IGSF21: variants seen among roughly 807,000 people sequenced by gnomAD.
IGSF21 encodes immunoglobin superfamily member 21.
In IGSF21, 28 loss-of-function variants were observed where a neutral mutation model predicts 46.8. The ratio of observed to expected loss-of-function variants is 0.60; its 90% CI spans 0.44 to 0.82. The LOEUF (loss-of-function observed/expected upper bound fraction) is 0.82, where lower values mean the gene tolerates loss of function less well. IGSF21 is among the 40% of genes least tolerant of loss of function. The pLI, the probability that IGSF21 is intolerant of heterozygous loss-of-function variation, is 0.00. For missense variants in IGSF21, 624 were observed against 665.5 expected (o/e 0.94, Z 0.69); for synonymous variants, 284 against 273.6 (o/e 1.04, Z -0.38).
At chr1:18,368,798 C>T (rs1298110393) in intron 6 of IGSF21, among the ~76,000 whole-genome samples, 2 of 152,186 alleles carry the variant, frequency 1.3e-5, no homozygotes, top group African/African-American at 2.4e-5. Flanking sequence ...GCACCCTTGC[C>T]CCACCCCACC....
chr1:18,353,221 T>G (rs2085976484), intron 4 of IGSF21, among the ~76,000 whole-genome samples: 1 of 152,072 alleles, frequency 6.6e-6, no homozygotes, highest in Non-Finnish European at 1.5e-5. Flanking sequence ...GTTGCACTTT[T>G]TTTTCCCTCT....
At chr1:18,280,928 C>T (rs1326406886) in intron 2 of IGSF21, among the ~76,000 whole-genome samples, 1 of 152,192 alleles carries the variant, frequency 6.6e-6, no homozygotes, top group African/African-American at 2.4e-5. Context: ...TGGACCCTCC[C>T]TGGCAGAGCT....
chr1:18,340,993 TCTC>T (rs1356644843), intron 4 of IGSF21, among the ~76,000 whole-genome samples: 7 of 120,268 alleles, frequency 5.8e-5, no homozygotes, highest in African/African-American at 1.3e-4. Flanking sequence ...TCCTTCTTCT[TCTC>T]CTCCTCCTCC....
At chr1:18,285,200 T>G (rs888747385) in intron 2 of IGSF21, among the ~76,000 whole-genome samples, 22 of 151,948 alleles carry the variant, frequency 1.4e-4, no homozygotes, top group African/African-American at 5.1e-4. Flanking sequence ...TTTTTTTTTT[T>G]TTTCTTTTTC....
At position 18,322,632 on chromosome 1, in the gene IGSF21, C is replaced by T. The variant is rs2085614486; in HGVS notation, c.306-12260C>T. ...GAGTCTTTTTCTGAAGAGCACGTGC[C>T]CCACGCCCCCTGCCTGCCAGTCCTG... On this transcript the variant is annotated intron_variant, in intron 3 of 9. Transcript: ENST00000251296. The surrounding 1 kb of genome is among the most constrained non-coding windows in gnomAD (Gnocchi z 4.3). Among the ~76,000 whole-genome samples, 1 of 152,174 alleles carries T rather than the reference C, an allele frequency of 6.6e-6. No individual in the cohort carries two copies.
At chr1:18,189,436 G>C (rs1405831574) in intron 1 of IGSF21, among the ~76,000 whole-genome samples, 1 of 152,140 alleles carries the variant, frequency 6.6e-6, no homozygotes, top group Non-Finnish European at 1.5e-5. Context: ...CAGGGCAGGG[G>C]CGAAGGTTTC....
At chr1:18,231,159 G>A (rs1039391649) in intron 2 of IGSF21, among the ~76,000 whole-genome samples, 5 of 152,286 alleles carry the variant, frequency 3.3e-5, no homozygotes, top group Admixed American at 3.3e-4. Flanking sequence ...AGCACAGTGG[G>A]CACAAAATGG....
chr1:18,210,484 G>C (rs996551424), intron 1 of IGSF21, among the ~76,000 whole-genome samples: 3 of 152,242 alleles, frequency 2.0e-5, no homozygotes, highest in Non-Finnish European at 4.4e-5. Context: ...GTGGGGTAAC[G>C]TTTGGGGAGA....
At chr1:18,120,568 C>T (rs1273475361) in intron 1 of IGSF21, among the ~76,000 whole-genome samples, 1 of 152,160 alleles carries the variant, frequency 6.6e-6, no homozygotes. Flanking sequence ...CTCATTGTAC[C>T]TGACAGGGTT....
At chr1:18,165,163 A>G (rs2086666837) in intron 1 of IGSF21, among the ~76,000 whole-genome samples, 1 of 152,060 alleles carries the variant, frequency 6.6e-6, no homozygotes, top group Non-Finnish European at 1.5e-5. Context: ...TAACATTCAT[A>G]ATAGGAGTCT....
At chr1:18,202,199 A>G (rs1039476744) in intron 1 of IGSF21, among the ~76,000 whole-genome samples, 2 of 152,220 alleles carry the variant, frequency 1.3e-5, no homozygotes, top group Non-Finnish European at 2.9e-5. Context: ...GTAAACACCC[A>G]TATTTTCATA....
At chr1:18,116,217 A>T (rs981853517) in intron 1 of IGSF21, among the ~76,000 whole-genome samples, 6 of 152,130 alleles carry the variant, frequency 3.9e-5, no homozygotes, top group Non-Finnish European at 8.8e-5. Context: ...GAAATCGGCA[A>T]ACTATACATT....
At chr1:18,172,338 G>T (rs541930168) in intron 1 of IGSF21, among the ~76,000 whole-genome samples, 1 of 152,124 alleles carries the variant, frequency 6.6e-6, no homozygotes, top group Admixed American at 6.6e-5. Flanking sequence ...TTCTTGTTAC[G>T]CTCACACTAG....
At chr1:18,370,738 A>G (rs2086216235) in intron 6 of IGSF21, among the ~76,000 whole-genome samples, 1 of 152,200 alleles carries the variant, frequency 6.6e-6, no homozygotes, top group Non-Finnish European at 1.5e-5. Flanking sequence ...CAGAATATAT[A>G]AAGAACTATG....
Position 18,179,936 on chromosome 1 carries a change from C to T in IGSF21, c.71-47962C>T, listed in dbSNP as rs2086840286. Among the ~76,000 whole-genome samples, 3 of 152,236 alleles carry T rather than the reference C, an allele frequency of 2.0e-5. No homozygotes were observed. The South Asian group carries it at 6.2e-4, about 32-fold the overall frequency. ...CTCCAAGCAAAAGGAAAAGAAACTG[C>T]CAAGCACATTCCAGGCTCAGGGCCT... On this transcript the variant is annotated intron_variant, in intron 1 of 9. Coordinates refer to ENST00000251296, the MANE Select transcript of IGSF21 (RefSeq NM_032880.5).
chr1:18,208,376 A>T (rs867164684), intron 1 of IGSF21, among the ~76,000 whole-genome samples: 9 of 22,038 alleles, frequency 4.1e-4, no homozygotes, highest in East Asian at 8.9e-4. Context: ...GTTTAGGAAT[A>T]ATATATATAT....
At chr1:18,279,946 A>C (rs954330996) in intron 2 of IGSF21, among the ~76,000 whole-genome samples, 4 of 152,232 alleles carry the variant, frequency 2.6e-5, no homozygotes, top group Non-Finnish European at 4.4e-5. Flanking sequence ...TGGGCCAGGC[A>C]GATTGGCACA....
intron 4 of IGSF21, among the ~76,000 whole-genome samples, chr1:18,359,286 C>CAA (rs754522443): frequency 1.3e-4 from 11 of 84,204 alleles, no homozygotes; most frequent in East Asian, 1.1e-3. Flanking sequence ...TCAAAAAACA[C>CAA]AAAAAAAAAA....
chr1:18,277,554 A>G (rs183388120), intron 2 of IGSF21, among the ~76,000 whole-genome samples: 1 of 152,048 alleles, frequency 6.6e-6, no homozygotes, highest in Non-Finnish European at 1.5e-5. Context: ...GACTTTTTTT[A>G]AAAAAAAGAA....
Sources: allele counts gnomAD v4.1 joint callset (sites outside exome capture counted in the v4.1 genomes callset), GRCh38; gene constraint gnomAD v4.1.1; non-coding constraint Gnocchi (gnomAD v3.1); transcripts MANE v1.5; gene names NCBI Gene and HGNC (gene_info 2026-07-23, HGNC 2026-07-21).